The following SMURF2 variants were observed in gnomAD, a reference collection of about 807,000 sequenced individuals.
SMURF2 encodes the protein E3 ubiquitin-protein ligase SMURF2.
A neutral mutation model predicts 109.6 loss-of-function variants in SMURF2; 48 were observed. The observed-to-expected ratio is 0.44, with a 90% CI of 0.35 to 0.56. The LOEUF is 0.56. SMURF2 is among the 20% of genes least tolerant of loss of function. The pLI, the probability that SMURF2 is intolerant of heterozygous loss-of-function variation, is 0.01. For missense variants in SMURF2, 575 were observed against 909.0 expected (o/e 0.63, Z 4.72); for synonymous variants, 288 against 317.1 (o/e 0.91, Z 0.97).
chr17:64,642,188 GAGA>G (rs1258686841), intron 1 of SMURF2, among the ~76,000 whole-genome samples: 1 of 152,222 alleles, frequency 6.6e-6, no homozygotes, highest in African/African-American at 2.4e-5. Flanking sequence ...TTGGGAGGAG[GAGA>G]AGAATTTGTT....
At chr17:64,634,297 A>G (rs1226533232) in intron 1 of SMURF2, among the ~76,000 whole-genome samples, 3 of 152,204 alleles carry the variant, frequency 2.0e-5, no homozygotes, top group African/African-American at 7.2e-5. Context: ...CTTCCACAGC[A>G]CCAGGTATTC....
chr17:64,559,829 C>T (rs1256096875), intron 12 of SMURF2, among the ~76,000 whole-genome samples: 1 of 150,972 alleles, frequency 6.6e-6, no homozygotes. Flanking sequence ...CTCAGTGCAA[C>T]CTTTGCCTCC....
intron 1 of SMURF2, among the ~76,000 whole-genome samples, chr17:64,638,066 T>C (rs1316555690): frequency 3.6e-5 from 5 of 137,394 alleles, no homozygotes; most frequent in Admixed American, 7.1e-5. Flanking sequence ...CTTTTTCTTT[T>C]TTTTTTTTTT....
intron 1 of SMURF2, among the ~76,000 whole-genome samples, chr17:64,633,489 G>A (rs2144712429): frequency 6.6e-6 from 1 of 152,140 alleles, no homozygotes; most frequent in South Asian, 2.1e-4. Context: ...TATTAGCTGG[G>A]TAAAAATAAA....
intron 1 of SMURF2, among the ~76,000 whole-genome samples, chr17:64,631,066 C>T (rs1414984874): frequency 4.0e-5 from 6 of 151,492 alleles, no homozygotes; most frequent in Non-Finnish European, 7.4e-5. Flanking sequence ...CTCTGGGAGG[C>T]CAACGCAGGA....
chr17:64,653,278 T>A (rs956278097), intron 1 of SMURF2, among the ~76,000 whole-genome samples: 20 of 152,132 alleles, frequency 1.3e-4, no homozygotes, highest in Non-Finnish European at 2.4e-4. Context: ...GGACAATAAA[T>A]AAGTCCATTA....
At chr17:64,578,639 A>G in intron 8 of SMURF2, 63 bp from the exon 9 acceptor site, 5 of 1,028,954 alleles carry the variant, frequency 4.9e-6, no homozygotes, top group Non-Finnish European at 7.5e-6. Context: ...AGACAGTTAT[A>G]TACACTAAGA....
At chr17:64,551,493 C>G (rs1266661509) in intron 16 of SMURF2, 91 bp downstream of exon 16, 21 of 1,369,440 alleles carry the variant, frequency 1.5e-5, no homozygotes, top group Non-Finnish European at 2.0e-5. Context: ...TAGAAAGCAC[C>G]AGAAATATGC....
chr17:64,594,708 C>T (rs535599064), intron 3 of SMURF2, among the ~76,000 whole-genome samples: 275 of 152,220 alleles, frequency 1.8e-3, no homozygotes, highest in African/African-American at 6.3e-3. Context: ...TACATTAGGC[C>T]GGGCGCGGTG....
At chr17:64,562,549 T>C (rs1555684620) in intron 11 of SMURF2, among the ~76,000 whole-genome samples, 5 of 151,680 alleles carry the variant, frequency 3.3e-5, no homozygotes, top group Admixed American at 2.6e-4. Context: ...CCAGCTAATT[T>C]TGTATTTTTA....
At chr17:64,593,832 T>C (rs1268603492) in intron 3 of SMURF2, among the ~76,000 whole-genome samples, 1 of 152,210 alleles carries the variant, frequency 6.6e-6, no homozygotes, top group Non-Finnish European at 1.5e-5. Flanking sequence ...TTTTAGTAGC[T>C]AATGTCTAAT....
intron 1 of SMURF2, among the ~76,000 whole-genome samples, chr17:64,647,259 G>A (rs1970571422): frequency 6.6e-6 from 1 of 150,468 alleles, no homozygotes. Flanking sequence ...AACTAAGCTG[G>A]AAATCAGAAG....
chr17:64,565,796 A>G (rs1327767333), intron 10 of SMURF2, among the ~76,000 whole-genome samples: 2 of 152,144 alleles, frequency 1.3e-5, no homozygotes, highest in South Asian at 2.1e-4. Flanking sequence ...TGCAAAATAA[A>G]TATCAGTTAC....
At chr17:64,645,584 T>C (rs922099588) in intron 1 of SMURF2, among the ~76,000 whole-genome samples, 28 of 151,942 alleles carry the variant, frequency 1.8e-4, no homozygotes, top group African/African-American at 6.5e-4. Context: ...TTAAGAAAAA[T>C]AGAAAAGTGG....
intron 1 of SMURF2, among the ~76,000 whole-genome samples, chr17:64,648,418 C>A (rs1970590308): frequency 6.6e-6 from 1 of 152,130 alleles, no homozygotes; most frequent in African/African-American, 2.4e-5. Context: ...AATGACATCA[C>A]AAAGAGAGAT....
intron 1 of SMURF2, among the ~76,000 whole-genome samples, chr17:64,617,691 T>C (rs962083112): frequency 6.6e-6 from 1 of 152,122 alleles, no homozygotes; most frequent in Non-Finnish European, 1.5e-5. Context: ...TCTTGCCATG[T>C]TGCCCAGGCT....
At chr17:64,602,855 G>A (rs1394705148) in intron 2 of SMURF2, among the ~76,000 whole-genome samples, 2 of 152,186 alleles carry the variant, frequency 1.3e-5, no homozygotes, top group Non-Finnish European at 2.9e-5. Context: ...AACCTGGGAG[G>A]CGGAGGTTGC....
In SMURF2 at chr17:64,554,942, A is replaced by C; in HGVS notation, c.1662T>G (p.Asn554Lys). ...CATGCTGAATAATTTCACCATATGC[A>C]TTATGTTCAACACAGAAGGTATGGT... Reference protein sequence around the residue: ...VLDHTFCVEHNAYGEIIQHEL... With the variant: ...VLDHTFCVEHKAYGEIIQHEL... Residue 554 changes from asparagine (N) to lysine (K), a missense_variant, in exon 15 of 19, where the codon AAT (asparagine) becomes AAG (lysine). Physicochemically the swap from Asn to Lys is moderately conservative, Grantham distance 94 (BLOSUM62 0). Coordinates refer to ENST00000262435, the MANE Select transcript of SMURF2 (RefSeq NM_022739.4). The C allele has an allele frequency of 6.2e-7, 1 of 1,613,334 alleles. No individual in the cohort carries two copies. Among genetic ancestry groups the C allele is most frequent in the Non-Finnish European group, 8.5e-7 (1 of 1,179,358 alleles).
chr17:64,586,347 A>T (rs1473366542), intron 5 of SMURF2, among the ~76,000 whole-genome samples, 177 bp from the exon 6 acceptor site: 1 of 152,202 alleles, frequency 6.6e-6, no homozygotes, highest in African/African-American at 2.4e-5. Context: ...CTTTAGGAGT[A>T]ATATTAGAAT....
Sources: gnomAD v4.1 joint callset for allele counts (sites outside exome capture counted in the v4.1 genomes callset) on GRCh38, gnomAD v4.1.1 for gene constraint, MANE v1.5 for transcripts, NCBI Gene and HGNC (gene_info 2026-07-23, HGNC 2026-07-21) for gene names.